Variants in ASXL2 observed in about 807,000 individuals in gnomAD.
The protein encoded by ASXL2 is putative Polycomb group protein ASXL2.
ASXL2 carries 23 observed loss-of-function variants against 122.0 expected under a neutral mutation model. That is an observed-to-expected ratio of 0.19 (90% CI 0.14 to 0.27). The LOEUF (loss-of-function observed/expected upper bound fraction) is 0.27. Among genes scored for constraint, ASXL2 ranks in the 10% least tolerant of loss-of-function variants. The pLI is 1.00. For synonymous variants in ASXL2, 650 were observed against 637.0 expected, an observed-to-expected ratio of 1.02 and a Z score of -0.31; for missense variants, 1,518 against 1,713.8, an observed-to-expected ratio of 0.89 and a Z score of 2.02.
intron 8 of ASXL2, among the ~76,000 whole-genome samples, chr2:25,762,951 C>T (rs935214105): frequency 2.0e-5 from 3 of 151,816 alleles, no homozygotes; most frequent in Non-Finnish European, 4.4e-5. Flanking sequence ...TTATTAACAT[C>T]GAATGAAAGA....
At position 25,767,594 on chromosome 2, in the gene ASXL2, C is replaced by G; in HGVS notation, c.764G>C (p.Arg255Thr). The G allele has an allele frequency of 6.2e-7, 1 of 1,613,834 alleles. No homozygotes were observed. The change falls in exon 8 of 13, where the codon AGA becomes ACA. Residue 255 changes from arginine (R) to threonine (T), a missense_variant. By Grantham distance (71) the Arg-to-Thr change is moderately conservative (BLOSUM62 -1). This residue lies in a region of ASXL2 where 198 missense variants were observed against 209.0 expected (regional missense o/e 0.95). Coordinates refer to ENST00000435504, the MANE Select transcript of ASXL2 (RefSeq NM_018263.6). ...LGKKSFQRSE[R>T]LHTRQMKRTK... The stretch of plus-strand genomic sequence containing the variant: ...GTAAGCAAACTTACTGGTATGGAGT[C>G]TCTCAGATCTCTGGAATGACTTCTT...
intron 2 of ASXL2, among the ~76,000 whole-genome samples, chr2:25,839,403 A>G (rs1453114339): frequency 6.6e-6 from 1 of 152,168 alleles, no homozygotes; most frequent in African/African-American, 2.4e-5. Context: ...TATCTATAGT[A>G]TAACTTTTCA....
At chr2:25,762,269 G>C (rs1395547858) in intron 8 of ASXL2, among the ~76,000 whole-genome samples, 2 of 136,652 alleles carry the variant, frequency 1.5e-5, no homozygotes, top group African/African-American at 5.5e-5. Context: ...ACCAAACTCA[G>C]TAGAGAGAAA....
At chr2:25,768,891 A>G in intron 6 of ASXL2, 23 bp from the exon 7 acceptor site, 1 of 1,608,572 alleles carries the variant, frequency 6.2e-7, no homozygotes, top group South Asian at 1.1e-5. Context: ...AACAGACTAT[A>G]AGAAACAAAA....
intron 5 of ASXL2, among the ~76,000 whole-genome samples, chr2:25,785,531 C>A (rs1559510790): frequency 6.6e-6 from 1 of 150,890 alleles, no homozygotes; most frequent in Non-Finnish European, 1.5e-5. Flanking sequence ...ACCCCCCAAA[C>A]CTTTTAAGGA....
chr2:25,780,726 G>C (rs2088620155), intron 5 of ASXL2, among the ~76,000 whole-genome samples: 1 of 152,052 alleles, frequency 6.6e-6, no homozygotes, highest in Non-Finnish European at 1.5e-5. Context: ...CAGACTAAAA[G>C]ATAAACATGT....
At chr2:25,858,957 G>A (rs931603281) in intron 1 of ASXL2, among the ~76,000 whole-genome samples, 1 of 151,520 alleles carries the variant, frequency 6.6e-6, no homozygotes, top group Non-Finnish European at 1.5e-5. Context: ...GGGATTACAG[G>A]CGCCTGCCAC....
At position 25,743,969 on chromosome 2, in the gene ASXL2, T is replaced by C. The variant is rs749134751; in HGVS notation, c.2368A>G (p.Thr790Ala). 2.5e-6 allele frequency: 4 copies of C among 1,613,880 alleles called. No individual in the cohort carries two copies. In the East Asian group the frequency reaches 8.9e-5, roughly 36 times the overall value. ...PPTPAVSGACTSVPSPAHIEK... is the reference protein window; with the variant it reads ...PPTPAVSGACASVPSPAHIEK... ...ATGTGGGCTGGTGATGGGACACTTG[T>C]GCATGCTCCACTGACGGCAGGTGTT... The change falls in exon 13 of 13, where the codon ACA becomes GCA. Residue 790 changes from threonine to alanine, a missense_variant. Coordinates refer to ENST00000435504, the MANE Select transcript of ASXL2 (RefSeq NM_018263.6).
Position 25,744,041 on chromosome 2 carries a change from G to A in ASXL2, c.2296C>T (p.His766Tyr). Reference sequence around the variant, plus strand: ...TGTAGTTGTGCTCCAGAGACACTATGAGGCTGTGCCTGGCTTGGGGTGGTC... The same window carrying A: ...TGTAGTTGTGCTCCAGAGACACTATAAGGCTGTGCCTGGCTTGGGGTGGTC... ...TKTTPSQAQPHSVSGAQLQQT... is the reference protein window; with the variant it reads ...TKTTPSQAQPYSVSGAQLQQT... Residue 766 changes from histidine to tyrosine, a missense_variant, in exon 13 of 13, where the codon CAT becomes TAT. Physicochemically the swap from His to Tyr is moderately conservative, Grantham distance 83. Around this residue, in one of 8 missense-constraint regions of ASXL2, gnomAD observed 831 missense variants for 833.1 expected, o/e 1.00. Transcript: ENST00000435504. The surrounding 1 kb of genome is among the most constrained non-coding windows in gnomAD (Gnocchi z 4.7). 1 of 1,614,020 alleles carries A rather than the reference G, an allele frequency of 6.2e-7. No homozygotes were observed. Among genetic ancestry groups the A allele is most frequent in the South Asian group, 1.1e-5 (1 of 91,082 alleles).
In ASXL2 at chr2:25,878,478, A is replaced by G; in HGVS notation, c.-256T>C. ...GGTTCTTACTGTACAGGCTGCCGCT[A>G]CGGTCATGTGACCGCTCCCGCGCGG... On this transcript the variant is annotated 5_prime_UTR_variant, in exon 1 of 13. Transcript: ENST00000435504. 2.0e-6 allele frequency: 1 copy of G among 505,416 alleles called. No individual in the cohort carries two copies. The highest frequency in any genetic ancestry group is 3.5e-6 in the Non-Finnish European group (1 of 284,530). 31.3% of individuals were successfully genotyped at this position (505,416 alleles called of 1,614,324 possible). A position where few individuals can be genotyped will look rare whatever the true frequency, so the allele number is the denominator to read the frequency against.
In ASXL2 at chr2:25,735,150, C is replaced by A. The variant is rs55713459; in HGVS notation, c.*6879G>T. 6,458 of 152,246 alleles carry A rather than the reference C, an allele frequency of 0.042. 211 individuals carry two copies. Among genetic ancestry groups the A allele is most frequent in the African/African-American group, 0.08 (3,333 of 41,520 alleles). The allele number at this position is 152,246 out of a possible 1,614,324, so 9.4% of individuals were successfully genotyped here. A position where few individuals can be genotyped will look rare whatever the true frequency, so the allele number is the denominator to read the frequency against. ...CTTTCTGGCTCTTTTCCTGGTTTCG[C>A]TTTTTCTTCCTGTTACAAGATCTCC... On this transcript the variant is annotated 3_prime_UTR_variant, in exon 13 of 13. Coordinates refer to ENST00000435504, the MANE Select transcript of ASXL2 (RefSeq NM_018263.6).
At position 25,738,116 on chromosome 2, in the gene ASXL2, T is replaced by C. The variant is rs562099842; in HGVS notation, c.*3913A>G. 1 of 152,338 alleles carries C rather than the reference T, an allele frequency of 6.6e-6. No homozygotes were observed. The highest frequency in any genetic ancestry group is 1.9e-4 in the East Asian group (1 of 5,194). The allele number at this position is 152,338 out of a possible 1,614,324, so 9.4% of individuals were successfully genotyped here. On this transcript the variant is annotated 3_prime_UTR_variant, in exon 13 of 13. Coordinates refer to ENST00000435504, the MANE Select transcript of ASXL2 (RefSeq NM_018263.6). ...AATTTGTGCCTTAACAGTGAGGTCC[T>C]ACATCAAACATACCATATATGAGAA...
rs577478003 is a variant in ASXL2 at position 25,846,371 on chromosome 2, C to A, written c.58-808G>T. On this transcript the variant is annotated intron_variant, in intron 1 of 12. Transcript: ENST00000435504. ...ATTCCCATGATTCATCTTGGCCAGG[C>A]ACAGTGGTTCATGCCTGTAATCTCG... Among the ~76,000 whole-genome samples, 16 of 152,272 alleles carry A rather than the reference C, an allele frequency of 1.1e-4. No homozygotes were observed. The South Asian group carries it at 3.3e-3, about 32-fold the overall frequency.
rs1362674190 is a variant in ASXL2 at position 25,735,132 on chromosome 2, GCT to G, written c.*6895_*6896del. 1.3e-5 allele frequency: 2 copies of G among 152,252 alleles called. No homozygotes were observed. The highest frequency in any genetic ancestry group is 1.9e-4 in the East Asian group (1 of 5,182). 9.4% of individuals were successfully genotyped at this position (152,252 alleles called of 1,614,324 possible). A position where few individuals can be genotyped will look rare whatever the true frequency, so the allele number is the denominator to read the frequency against. ...CCCATCTCCAAGTTGATCCTTTCTGGCTCTTTTCCTGGTTTCGCTTTTTCTTC... is the reference window on the plus strand; with the variant it reads ...CCCATCTCCAAGTTGATCCTTTCTGGCTTTTCCTGGTTTCGCTTTTTCTTC... On this transcript the variant is annotated 3_prime_UTR_variant, in exon 13 of 13. Transcript: ENST00000435504.
rs760621614 is a variant in ASXL2, at chr2:25,743,494, G to A, written c.2843C>T (p.Ala948Val). ...CAGCTGAGTCACTAAAGGATTATTAGCAGGGATACTAGAGGTTGGTCTTAA... is the reference window on the plus strand; with the variant it reads ...CAGCTGAGTCACTAAAGGATTATTAACAGGGATACTAGAGGTTGGTCTTAA... ...PTLRPTSSIP[A>V]NNPLVTQLLQ... The change falls in exon 13 of 13, where the codon GCT becomes GTT. Residue 948 changes from alanine (A) to valine (V), a missense_variant. This residue lies in a region of ASXL2 where 831 missense variants were observed against 833.1 expected (regional missense o/e 1.00). Coordinates refer to ENST00000435504, the MANE Select transcript of ASXL2 (RefSeq NM_018263.6). 5 of 1,613,914 alleles carry A rather than the reference G, an allele frequency of 3.1e-6. No individual in the cohort carries two copies. The Admixed American group carries it at 8.3e-5, about 27-fold the overall frequency.
intron 5 of ASXL2, among the ~76,000 whole-genome samples, chr2:25,781,007 C>A (rs934314806): frequency 3.3e-5 from 5 of 150,338 alleles, no homozygotes; most frequent in South Asian, 2.1e-4. Context: ...TGGTGTGAAC[C>A]CAGAAGGAGG....
chr2:25,792,138 A>T (rs2088843758), intron 5 of ASXL2, among the ~76,000 whole-genome samples: 1 of 152,212 alleles, frequency 6.6e-6, no homozygotes, highest in African/African-American at 2.4e-5. Flanking sequence ...CTGGGACTAC[A>T]GGCACACACC....
Position 25,742,455 on chromosome 2 carries a change from A to T in ASXL2, c.3882T>A (p.Leu1294=), listed in dbSNP as rs758162529. 3 of 1,612,454 alleles carry T rather than the reference A, an allele frequency of 1.9e-6. No homozygotes were observed. In the East Asian group the frequency reaches 6.7e-5, roughly 36 times the overall value. Residue 1294 remains leucine, a synonymous_variant, in exon 13 of 13, where the codon CTT becomes CTA. Transcript: ENST00000435504. ...GGGTGGGGCTGTCTGCAGGCAGAGG[A>T]AGAACAGTAGAACTGAAAAGCTCGG... ...SSPELFSSTV[L]PLPADSPTHQ... is the part of the protein sequence containing the mutation.
chr2:25,755,176 C>T (rs1233418801), intron 10 of ASXL2, among the ~76,000 whole-genome samples: 2 of 152,118 alleles, frequency 1.3e-5, no homozygotes, highest in Non-Finnish European at 2.9e-5. Flanking sequence ...ATAATTCAGC[C>T]AGTGGTTTTA....
Sources: allele counts gnomAD v4.1 joint callset (sites outside exome capture counted in the v4.1 genomes callset), GRCh38; gene constraint gnomAD v4.1.1; regional missense constraint gnomAD v4.1.1; non-coding constraint Gnocchi (gnomAD v3.1); transcripts MANE v1.5; gene names NCBI Gene and HGNC (gene_info 2026-07-23, HGNC 2026-07-21).